FHOD3: variants seen among roughly 807,000 people sequenced by gnomAD.
FHOD3 encodes formin homology 2 domain containing 3.
Under a neutral mutation model 173.0 loss-of-function variants are expected in FHOD3, and 90 were observed. The observed-to-expected ratio is 0.52, with a 90% CI of 0.44 to 0.62. The LOEUF (loss-of-function observed/expected upper bound fraction) is 0.62. Among genes scored for constraint, FHOD3 ranks in the 20% least tolerant of loss-of-function variants. The probability of loss-of-function intolerance (pLI) is 0.00; values close to 1 mark genes in which losing one functional copy is unlikely to be tolerated. For synonymous variants in FHOD3, 828 were observed against 823.0 expected (o/e 1.01, Z -0.10); for missense variants, 1,945 against 2,034.7 (o/e 0.96, Z 0.85).
At position 36,397,753 on chromosome 18, in the gene FHOD3, A is replaced by G. The variant is rs56105617; in HGVS notation, c.337+25009A>G. Among the ~76,000 whole-genome samples, 436 of 152,346 alleles carry G rather than the reference A, an allele frequency of 2.9e-3. 3 individuals are homozygous for G. Among genetic ancestry groups the G allele is most frequent in the African/African-American group, 0.01 (419 of 41,574 alleles). ...CTTCAAGAGAGAAGTGCCCTTTCCT[A>G]TCATGTAAAATTAGAAGACTAGGGG... On this transcript the variant is annotated intron_variant, in intron 3 of 28. Coordinates refer to ENST00000590592, the MANE Select transcript of FHOD3 (RefSeq NM_001281740.3).
chr18:36,480,231 G>C (rs1404370661), intron 3 of FHOD3, among the ~76,000 whole-genome samples: 1 of 152,154 alleles, frequency 6.6e-6, no homozygotes, highest in Non-Finnish European at 1.5e-5. Context: ...CCCCTACTGT[G>C]CCCATCCCAC....
chr18:36,303,270 G>A (rs1230164374), intron 1 of FHOD3, among the ~76,000 whole-genome samples: 1 of 152,160 alleles, frequency 6.6e-6, no homozygotes, highest in African/African-American at 2.4e-5. Flanking sequence ...AAGATTTAAG[G>A]TCATCTTTTT....
intron 7 of FHOD3, among the ~76,000 whole-genome samples, chr18:36,600,869 C>T (rs755665157): frequency 2.6e-5 from 4 of 152,164 alleles, no homozygotes; most frequent in Non-Finnish European, 5.9e-5. Flanking sequence ...ATACTTTCTC[C>T]CCTGCACATT....
chr18:36,356,584 C>T (rs562542716), intron 2 of FHOD3, among the ~76,000 whole-genome samples: 1 of 151,582 alleles, frequency 6.6e-6, no homozygotes, highest in East Asian at 1.9e-4. Flanking sequence ...TGCAGCCTCT[C>T]GAGTAGCTGG....
chr18:36,593,361 G>T (rs1334906187), intron 6 of FHOD3, among the ~76,000 whole-genome samples: 1 of 152,184 alleles, frequency 6.6e-6, no homozygotes, highest in African/African-American at 2.4e-5. Context: ...CTGGGCACTG[G>T]CTGGAGAGAG....
At position 36,392,516 on chromosome 18, in the gene FHOD3, G is replaced by A. The variant is rs557015317; in HGVS notation, c.337+19772G>A. On this transcript the variant is annotated intron_variant, in intron 3 of 28. Coordinates refer to ENST00000590592, the MANE Select transcript of FHOD3 (RefSeq NM_001281740.3). The stretch of plus-strand genomic sequence containing the variant: ...TGAGTAGTGGCCAAAGCTGAACTGT[G>A]TCTGCTAAGAAAGCCCTCCCTGAGT... 4.6e-5 allele frequency among the ~76,000 whole-genome samples: 7 copies of A among 152,258 alleles called. 1 individual carries two copies. In the South Asian group the frequency reaches 1.0e-3, roughly 23 times the overall value.
At chr18:36,350,258 G>A (rs1008518465) in intron 1 of FHOD3, among the ~76,000 whole-genome samples, 4 of 152,104 alleles carry the variant, frequency 2.6e-5, no homozygotes, top group African/African-American at 4.8e-5. Context: ...TATTTAGAAG[G>A]ACACTTACTG....
At chr18:36,521,375 T>C (rs1362793212) in intron 5 of FHOD3, among the ~76,000 whole-genome samples, 1 of 152,132 alleles carries the variant, frequency 6.6e-6, no homozygotes, top group African/African-American at 2.4e-5. Flanking sequence ...CATTGCACCA[T>C]GCCCAAACCC....
intron 3 of FHOD3, among the ~76,000 whole-genome samples, chr18:36,437,204 G>A (rs78631239): frequency 1.3e-5 from 2 of 152,022 alleles, no homozygotes; most frequent in South Asian, 2.1e-4. Flanking sequence ...TGCATCCTTC[G>A]CCTCCTGGAC....
chr18:36,680,131 T>C (rs2038139980), intron 14 of FHOD3, among the ~76,000 whole-genome samples: 1 of 152,188 alleles, frequency 6.6e-6, no homozygotes. Context: ...CTGATGGAAA[T>C]AGTTCCATAG....
chr18:36,333,519 G>A (rs1467171177), intron 1 of FHOD3, among the ~76,000 whole-genome samples: 4 of 152,186 alleles, frequency 2.6e-5, no homozygotes, highest in African/African-American at 7.2e-5. Flanking sequence ...TGCCTTGGCA[G>A]GATCTAACGT....
At chr18:36,425,945 G>T (rs2050219570) in intron 3 of FHOD3, among the ~76,000 whole-genome samples, 1 of 150,358 alleles carries the variant, frequency 6.7e-6, no homozygotes, top group South Asian at 2.1e-4. Flanking sequence ...CTGTAGCCCA[G>T]GCTGGAGTGC....
chr18:36,404,010 G>A (rs555830928), intron 3 of FHOD3, among the ~76,000 whole-genome samples: 44 of 152,302 alleles, frequency 2.9e-4, no homozygotes, highest in Admixed American at 6.5e-4. Context: ...TATTAGCAGG[G>A]AGGTTTTGAT....
intron 3 of FHOD3, among the ~76,000 whole-genome samples, chr18:36,376,641 A>G (rs1171597430): frequency 1.3e-5 from 2 of 152,228 alleles, no homozygotes; most frequent in African/African-American, 4.8e-5. Context: ...GTCAAGTCAC[A>G]GGGACAAAGG....
At chr18:36,440,555 C>T (rs761165391) in intron 3 of FHOD3, among the ~76,000 whole-genome samples, 73 of 152,262 alleles carry the variant, frequency 4.8e-4, no homozygotes, top group Non-Finnish European at 9.0e-4. Flanking sequence ...TGCTCATATT[C>T]TGCCACCTGT....
At chr18:36,499,945 G>A (rs1184614587) in intron 3 of FHOD3, among the ~76,000 whole-genome samples, 1 of 152,168 alleles carries the variant, frequency 6.6e-6, no homozygotes, top group Non-Finnish European at 1.5e-5. Context: ...GGAATCTTTG[G>A]AGTCACATAC....
intron 3 of FHOD3, among the ~76,000 whole-genome samples, chr18:36,375,748 G>A (rs560507843): frequency 6.6e-6 from 1 of 152,350 alleles, no homozygotes; most frequent in East Asian, 1.9e-4. Context: ...GCTAGCAGCT[G>A]AAGCAGGTCT....
intron 7 of FHOD3, among the ~76,000 whole-genome samples, chr18:36,595,659 G>A (rs2148374429): frequency 6.6e-6 from 1 of 152,304 alleles, no homozygotes; most frequent in East Asian, 1.9e-4. Flanking sequence ...ACTCCAGCTG[G>A]CCCAGAGCCA....
chr18:36,779,488 C>T lies in FHOD3; in HGVS notation c.4827C>T (p.Ala1609=), dbSNP rs760450744. 1 of 1,614,152 alleles carries T rather than the reference C, an allele frequency of 6.2e-7. No individual in the cohort carries two copies. The highest frequency in any genetic ancestry group is 8.5e-7 in the Non-Finnish European group (1 of 1,180,028). Residue 1609 remains alanine, a synonymous_variant, in exon 29 of 29, where the codon GCC becomes GCT. Coordinates refer to ENST00000590592, the MANE Select transcript of FHOD3 (RefSeq NM_001281740.3). ...AGAGCGGCCTGACCCCAGAAGAAGCCAGAGCCCTGGGCTTGGTTGGCACCT... is the reference window on the plus strand; with the variant it reads ...AGAGCGGCCTGACCCCAGAAGAAGCTAGAGCCCTGGGCTTGGTTGGCACCT... ...TLKSGLTPEE[A]RALGLVGTSE...
Sources: allele counts gnomAD v4.1 joint callset (sites outside exome capture counted in the v4.1 genomes callset), GRCh38; gene constraint gnomAD v4.1.1; transcripts MANE v1.5; gene names NCBI Gene and HGNC (gene_info 2026-07-23, HGNC 2026-07-21).